The following IGFL2 variants were observed in gnomAD, a reference collection of about 807,000 sequenced individuals.
IGFL2 encodes IGF like family member 2, also known as insulin growth factor-like family member 2.
Under a neutral mutation model 13.9 loss-of-function variants are expected in IGFL2, and 7 were observed. The ratio of observed to expected loss-of-function variants is 0.51; its 90% CI spans 0.29 to 0.95. The LOEUF is 0.95. Ranked by LOEUF, IGFL2 falls within the 40% of genes least tolerant of loss-of-function variation. The probability of loss-of-function intolerance (pLI) is 0.08; values close to 1 mark genes in which losing one functional copy is unlikely to be tolerated. For missense variants in IGFL2, 138 were observed against 147.8 expected (o/e 0.93, Z 0.34); for synonymous variants, 55 against 55.8 (o/e 0.99, Z 0.07).
chr19:46,171,634 T>C, the IGFL2 span, among the ~76,000 whole-genome samples: 15 of 152,230 alleles, frequency 9.9e-5, no homozygotes, highest in African/African-American at 2.9e-4. Context: ...TCCTGTCTTA[T>C]AGGGACAGCC....
chr19:46,143,803 A>C (rs2146812745), upstream of IGFL2, among the ~76,000 whole-genome samples: 1 of 152,330 alleles, frequency 6.6e-6, no homozygotes, highest in East Asian at 1.9e-4. Flanking sequence ...AAGATTGTGC[A>C]CAGTGGCCTA....
the IGFL2 span, among the ~76,000 whole-genome samples, chr19:46,172,443 T>C: frequency 6.6e-6 from 1 of 152,118 alleles, no homozygotes; most frequent in African/African-American, 2.4e-5. Context: ...CACAGCCAGT[T>C]GAGGTGTTTG....
chr19:46,186,040 G>A, the IGFL2 span, among the ~76,000 whole-genome samples: 22 of 152,224 alleles, frequency 1.4e-4, 1 homozygote, highest in African/African-American at 5.1e-4. Flanking sequence ...TTTCCTAATC[G>A]TTCTCCAGGT....
the IGFL2 span, among the ~76,000 whole-genome samples, chr19:46,206,204 G>A: frequency 2.0e-5 from 3 of 151,992 alleles, no homozygotes; most frequent in African/African-American, 4.8e-5. Context: ...CCCCTGCCCC[G>A]TCATCATCAC....
chr19:46,124,302 T>C, the IGFL2 span: 1 of 1,610,648 alleles, frequency 6.2e-7, no homozygotes, highest in Non-Finnish European at 8.5e-7. Flanking sequence ...GGAGGAAGAC[T>C]GTTATCCAGC....
chr19:46,137,626 A>G, the IGFL2 span: 12 of 867,416 alleles, frequency 1.4e-5, no homozygotes, highest in South Asian at 1.6e-4. Context: ...GCAGAGGAGC[A>G]GGACCCTGCG....
At chr19:46,122,764 C>T in the IGFL2 span, among the ~76,000 whole-genome samples, 2 of 150,866 alleles carry the variant, frequency 1.3e-5, no homozygotes, top group Admixed American at 6.6e-5. Context: ...CCTCTTAAAA[C>T]CCCCAACAGA....
the IGFL2 span, chr19:46,190,468 C>T: frequency 6.6e-6 from 1 of 152,228 alleles, no homozygotes; most frequent in East Asian, 1.9e-4. Context: ...TCAAAACTGG[C>T]ACATGATCGA....
At chr19:46,201,625 C>T in the IGFL2 span, among the ~76,000 whole-genome samples, 1 of 152,122 alleles carries the variant, frequency 6.6e-6, no homozygotes, top group Non-Finnish European at 1.5e-5. Flanking sequence ...TCTGCTGTGT[C>T]CTCTGCAGCA....
At chr19:46,174,093 A>G in the IGFL2 span, 1 of 152,188 alleles carries the variant, frequency 6.6e-6, no homozygotes, top group Non-Finnish European at 1.5e-5. Context: ...AGCAGGTAGC[A>G]CCCCTGCCTG....
chr19:46,156,869 A>G (rs1291050443), intron 1 of IGFL2, among the ~76,000 whole-genome samples: 1 of 152,202 alleles, frequency 6.6e-6, no homozygotes, highest in African/African-American at 2.4e-5. Context: ...TGAAAAGATC[A>G]ATAATCTTTT....
At chr19:46,120,002 G>A in the IGFL2 span, 1 of 368,922 alleles carries the variant, frequency 2.7e-6, no homozygotes, top group African/African-American at 2.1e-5. Flanking sequence ...ACAGCTCGGT[G>A]TGACAGCCCT....
the IGFL2 span, among the ~76,000 whole-genome samples, chr19:46,182,449 C>A: frequency 6.8e-6 from 1 of 146,866 alleles, no homozygotes; most frequent in South Asian, 2.1e-4. Flanking sequence ...TTAGTGCATT[C>A]TTAATTACTG....
the IGFL2 span, among the ~76,000 whole-genome samples, chr19:46,167,533 CTA>C: frequency 1.3e-5 from 2 of 152,150 alleles, no homozygotes; most frequent in Non-Finnish European, 2.9e-5. Context: ...CATAAAAAGA[CTA>C]GAGCAGCTGT....
At chr19:46,154,467 G>A (rs963390133) in intron 1 of IGFL2, among the ~76,000 whole-genome samples, 30 of 151,916 alleles carry the variant, frequency 2.0e-4, no homozygotes, top group African/African-American at 6.5e-4. Context: ...TGTTTTTGAC[G>A]GAGTCTCGCT....
chr19:46,194,850 ATATTTTTTTTT>A, the IGFL2 span, among the ~76,000 whole-genome samples: 1,081 of 35,502 alleles, frequency 0.03, 5 homozygotes, highest in Non-Finnish European at 0.047. Context: ...ATATATATAT[ATATTTTTTTTT>A]TTTTTTTTTT....
the IGFL2 span, among the ~76,000 whole-genome samples, chr19:46,168,691 A>G: frequency 6.6e-6 from 1 of 151,976 alleles, no homozygotes; most frequent in Non-Finnish European, 1.5e-5. Context: ...TTAAACATCC[A>G]CTTGTAACTG....
chr19:46,096,385 T>C, the IGFL2 span, among the ~76,000 whole-genome samples: 2 of 152,186 alleles, frequency 1.3e-5, no homozygotes, highest in Non-Finnish European at 2.9e-5. Context: ...CCTGAGACTT[T>C]GCTGAAGTTG....
At chr19:46,157,771 T>C (rs969578942) in intron 1 of IGFL2, among the ~76,000 whole-genome samples, 3 of 152,190 alleles carry the variant, frequency 2.0e-5, no homozygotes, top group Admixed American at 6.5e-5. Flanking sequence ...TTGCTGGACA[T>C]TCTAACCAGG....
Sources: allele counts gnomAD v4.1 joint callset (sites outside exome capture counted in the v4.1 genomes callset), GRCh38; gene constraint gnomAD v4.1.1; transcripts MANE v1.5; gene names NCBI Gene and HGNC (gene_info 2026-07-23, HGNC 2026-07-21).